The following WDR86 variants were observed in gnomAD, a reference collection of about 807,000 sequenced individuals.
The protein encoded by WDR86 is WD repeat-containing protein 86.
Under a neutral mutation model 36.5 loss-of-function variants are expected in WDR86, and 30 were observed. The observed-to-expected ratio is 0.82, with a 90% CI of 0.61 to 1.11. WDR86 has a LOEUF of 1.11. Among genes scored for constraint, WDR86 ranks in the 50% most tolerant of loss-of-function variants. The pLI is 0.00. For missense variants in WDR86, 545 were observed against 561.2 expected (o/e 0.97, Z 0.29); for synonymous variants, 255 against 252.9 (o/e 1.01, Z -0.08).
At chr7:151,377,096 T>C, downstream of WDR86, 1 of 1,581,116 alleles carries the variant, frequency 6.3e-7, no homozygotes, top group Non-Finnish European at 8.6e-7. Context: ...AGGCCGTCAA[T>C]GAGATACTGG....
At chr7:151,402,643 A>G (rs1048917610) in intron 1 of WDR86, among the ~76,000 whole-genome samples, 1 of 152,242 alleles carries the variant, frequency 6.6e-6, no homozygotes, top group Middle Eastern at 3.4e-3. Context: ...TCCAGGCCAG[A>G]GTCTGAGTGA....
chr7:151,374,139 C>T (rs199876601), downstream of WDR86: 465 of 1,572,290 alleles, frequency 3.0e-4, 1 homozygote, highest in African/African-American at 3.2e-3. Context: ...GAAGAAAAGA[C>T]GCCGCCTCGA....
In WDR86 at chr7:151,392,582, C is replaced by A. The variant is rs1174454714; in HGVS notation, c.726+3194G>T. ...AGCGCCGCCCATTCACTCCCTCATC[C>A]CACGAGCCTGGCTCCCAGGTCGGGA... On this transcript the variant is annotated intron_variant, in intron 3 of 5. Coordinates refer to ENST00000334493, the MANE Select transcript of WDR86 (RefSeq NM_198285.3). Among the ~76,000 whole-genome samples, 3 of 152,150 alleles carry A rather than the reference C, an allele frequency of 2.0e-5. No individual in the cohort carries two copies. The East Asian group carries it at 5.8e-4, about 29-fold the overall frequency.
intron 4 of WDR86, among the ~76,000 whole-genome samples, chr7:151,382,997 T>C (rs1798712221): frequency 6.6e-6 from 1 of 151,016 alleles, no homozygotes; most frequent in Admixed American, 6.6e-5. Flanking sequence ...TTTTTTTTCT[T>C]ACAGGGAGAC....
At chr7:151,376,797 C>T, downstream of WDR86, 1 of 1,585,476 alleles carries the variant, frequency 6.3e-7, no homozygotes, top group East Asian at 2.3e-5. Context: ...GCCACGTCCC[C>T]TTCTGACTCC....
At chr7:151,393,607 TG>T (rs1799595968) in intron 3 of WDR86, among the ~76,000 whole-genome samples, 1 of 152,160 alleles carries the variant, frequency 6.6e-6, no homozygotes, top group African/African-American at 2.4e-5. Flanking sequence ...CAGCTCCATC[TG>T]GGACAGGCCT....
downstream of WDR86, chr7:151,377,337 G>A (rs1798348508): frequency 1.4e-6 from 1 of 722,288 alleles, no homozygotes. Flanking sequence ...TCCTCTTTGG[G>A]TGTAGGAGGG....
chr7:151,396,096 G>A lies in WDR86; in HGVS notation c.406C>T (p.His136Tyr), dbSNP rs768734907. The A allele has an allele frequency of 1.9e-6, 3 of 1,612,682 alleles. No homozygotes were observed. In the Admixed American group the frequency reaches 5.0e-5, roughly 27 times the overall value. Residue 136 changes from histidine to tyrosine, a missense_variant, in exon 3 of 6, where the codon CAC (histidine) becomes TAC (tyrosine). Coordinates refer to ENST00000334493, the MANE Select transcript of WDR86 (RefSeq NM_198285.3). ...GCTAGGGTCAGCACGCAGTTGCGGTGGCCCCGGAACTCCCGGGACATCTGC... is the reference window on the plus strand; with the variant it reads ...GCTAGGGTCAGCACGCAGTTGCGGTAGCCCCGGAACTCCCGGGACATCTGC... ...KGQMSREFRGHRNCVLTLAYS... is the reference protein window; with the variant it reads ...KGQMSREFRGYRNCVLTLAYS...
At chr7:151,395,494 G>GAC (rs57122668) in intron 3 of WDR86, among the ~76,000 whole-genome samples, 3,856 of 146,942 alleles carry the variant, frequency 0.026, 74 homozygotes, top group African/African-American at 0.051. Flanking sequence ...AAGAGATTAG[G>GAC]ACACACACAC....
intron 2 of WDR86, among the ~76,000 whole-genome samples, chr7:151,397,696 T>TGTAGCGGGAGGAAGAGGGC (rs1799941417): frequency 1.6e-5 from 1 of 61,022 alleles, no homozygotes; most frequent in African/African-American, 6.6e-5. Context: ...AGGAAGAGGG[T>TGTAGCGGGAGGAAGAGGGC]GTAGTGGGAG....
downstream of WDR86, chr7:151,375,893 C>T (rs1798197119): frequency 1.9e-6 from 3 of 1,613,498 alleles, no homozygotes. Flanking sequence ...TGATTCCAAT[C>T]CTGAAACCGA....
the WDR86 span, chr7:151,369,149 A>G: frequency 1.5e-5 from 4 of 263,596 alleles, no homozygotes; most frequent in South Asian, 1.9e-4. Context: ...CTGGGATTAC[A>G]GGTGTGTGCC....
intron 3 of WDR86, 129 bp from the exon 4 acceptor site, chr7:151,385,352 C>T: frequency 6.8e-7 from 1 of 1,460,962 alleles, no homozygotes; most frequent in South Asian, 1.3e-5. Flanking sequence ...CTCGAATGGC[C>T]CCGCCACCGG....
chr7:151,401,607 T>C lies in WDR86; in HGVS notation c.164-1366A>G, dbSNP rs1800296048. Among the ~76,000 whole-genome samples the C allele has an allele frequency of 6.6e-6, 1 of 151,988 alleles. No individual in the cohort carries two copies. The highest frequency in any genetic ancestry group is 1.5e-5 in the Non-Finnish European group (1 of 68,014). On this transcript the variant is annotated intron_variant, in intron 1 of 5. Coordinates refer to ENST00000334493, the MANE Select transcript of WDR86 (RefSeq NM_198285.3). This position sits in a 1 kb window ranked among gnomAD's most constrained non-coding sequence, Gnocchi z 4.3. ...TTCCTTACACTGGGGAGAGATACTG[T>C]GGTAGGCAGAATGACGGCCCCAAGA...
chr7:151,376,908 G>C, downstream of WDR86: 1 of 1,450,838 alleles, frequency 6.9e-7, no homozygotes, highest in South Asian at 1.4e-5. Flanking sequence ...AGACTGAGGG[G>C]GCGTCCCCTG....
Position 151,400,068 on chromosome 7 carries a change from G to T in WDR86, c.305+32C>A, listed in dbSNP as rs370906962. The T allele has an allele frequency of 4.0e-6, 6 of 1,517,346 alleles. No individual in the cohort carries two copies. In the African/African-American group the frequency reaches 8.4e-5, roughly 21 times the overall value. 94.0% of individuals were successfully genotyped at this position (1,517,346 alleles called of 1,614,324 possible). A position where few individuals can be genotyped will look rare whatever the true frequency, so the allele number is the denominator to read the frequency against. ...GCCCCACCAGAAGCCTATGTATGGT[G>T]AGACTCAGCCCAAGCCCCCAGCCAG... On this transcript the variant is annotated intron_variant, in intron 2 of 5. Coordinates refer to ENST00000334493, the MANE Select transcript of WDR86 (RefSeq NM_198285.3).
chr7:151,408,198 TC>T (rs57814546), intron 1 of WDR86, among the ~76,000 whole-genome samples: 3,426 of 135,582 alleles, frequency 0.025, 166 homozygotes, highest in African/African-American at 0.082. Flanking sequence ...TCTTTTCTTT[TC>T]TTTTTTTTTT....
At position 151,406,653 on chromosome 7, in the gene WDR86, C is replaced by G. The variant is rs560438620; in HGVS notation, c.163+2774G>C. On this transcript the variant is annotated intron_variant, in intron 1 of 5. Transcript: ENST00000334493. This position sits in a 1 kb window ranked among gnomAD's most constrained non-coding sequence, Gnocchi z 4.4. ...AGAAACCCTCTCTGCCATGGACCAG[C>G]TGCGGGACCCTGGACAAGTCCTGCC... 6.6e-6 allele frequency among the ~76,000 whole-genome samples: 1 copy of G among 152,302 alleles called. No homozygotes were observed. The highest frequency in any genetic ancestry group is 2.1e-4 in the South Asian group (1 of 4,822).
intron 1 of WDR86, among the ~76,000 whole-genome samples, chr7:151,407,262 G>A (rs576060375): frequency 9.8e-4 from 150 of 152,344 alleles, no homozygotes; most frequent in African/African-American, 3.5e-3. Context: ...AAGGGGACAA[G>A]CAGCCGTGAG....
Sources: gnomAD v4.1 joint callset for allele counts (sites outside exome capture counted in the v4.1 genomes callset) on GRCh38, gnomAD v4.1.1 for gene constraint, Gnocchi (gnomAD v3.1) non-coding constraint, MANE v1.5 for transcripts, NCBI Gene and HGNC (gene_info 2026-07-23, HGNC 2026-07-21) for gene names.